SUGCT: variants seen among roughly 807,000 people sequenced by gnomAD.
SUGCT encodes the protein succinyl-CoA:glutarate-CoA transferase.
A neutral mutation model predicts 55.0 loss-of-function variants in SUGCT; 41 were observed. The ratio of observed to expected loss-of-function variants is 0.74; its 90% CI spans 0.58 to 0.97. SUGCT has a LOEUF of 0.97. Ranked by LOEUF, SUGCT falls within the 50% of genes least tolerant of loss-of-function variation. The pLI is 0.00. For synonymous variants in SUGCT, 187 were observed against 200.4 expected, an observed-to-expected ratio of 0.93 and a Z score of 0.56; for missense variants, 568 against 547.8, an observed-to-expected ratio of 1.04 and a Z score of -0.37.
chr7:40,663,716 C>T (rs1436653552), intron 12 of SUGCT, among the ~76,000 whole-genome samples: 2 of 152,128 alleles, frequency 1.3e-5, no homozygotes, highest in African/African-American at 4.8e-5. Flanking sequence ...AAGCGTGCTT[C>T]AATTCCACCC....
intron 4 of SUGCT, among the ~76,000 whole-genome samples, chr7:40,188,872 A>T (rs1055514822): frequency 2.0e-5 from 3 of 152,226 alleles, no homozygotes; most frequent in Non-Finnish European, 4.4e-5. Flanking sequence ...ATTATTAGGG[A>T]ATAATTGCCT....
intron 9 of SUGCT, among the ~76,000 whole-genome samples, chr7:40,343,897 C>T (rs1487256101): frequency 6.6e-6 from 1 of 152,200 alleles, no homozygotes; most frequent in Non-Finnish European, 1.5e-5. Flanking sequence ...ACCTCGTGAT[C>T]TGCCCGCCTC....
intron 12 of SUGCT, among the ~76,000 whole-genome samples, chr7:40,713,159 G>C (rs1785815671): frequency 6.6e-6 from 1 of 152,192 alleles, no homozygotes; most frequent in Non-Finnish European, 1.5e-5. Flanking sequence ...ACACAGCAGA[G>C]TAGATGCAAG....
chr7:40,477,936 G>T, intron 11 of SUGCT, among the ~76,000 whole-genome samples: 1 of 152,110 alleles, frequency 6.6e-6, no homozygotes, highest in Non-Finnish European at 1.5e-5. Context: ...AGAACAAATA[G>T]ATTTTAGGGC....
chr7:40,830,188 C>T (rs1296330378), intron 13 of SUGCT, among the ~76,000 whole-genome samples: 1 of 152,154 alleles, frequency 6.6e-6, no homozygotes, highest in Admixed American at 6.5e-5. Context: ...ACAGTCACCT[C>T]CCAGTGCTTG....
chr7:40,934,952 A>G, the SUGCT span, among the ~76,000 whole-genome samples: 41,159 of 152,062 alleles, frequency 0.27, 5,647 homozygotes, highest in Middle Eastern at 0.34. Context: ...AGTCCCAGTG[A>G]GATGAACCAG....
chr7:40,301,285 T>G (rs1391282435), intron 8 of SUGCT, among the ~76,000 whole-genome samples: 1 of 152,216 alleles, frequency 6.6e-6, no homozygotes, highest in Non-Finnish European at 1.5e-5. Context: ...GCATACCAGA[T>G]TTTTAAAACT....
At chr7:40,149,566 T>G (rs899389664) in intron 1 of SUGCT, among the ~76,000 whole-genome samples, 1 of 152,120 alleles carries the variant, frequency 6.6e-6, no homozygotes, top group African/African-American at 2.4e-5. Flanking sequence ...GTGGATCAAT[T>G]GAGGCCAGGA....
rs373068051 is a variant in SUGCT, at chr7:40,186,354, G to A, written c.227-2141G>A. On this transcript the variant is annotated intron_variant, in intron 3 of 13. Coordinates refer to ENST00000335693, the MANE Select transcript of SUGCT (RefSeq NM_001193313.2). ...GCTCAGTGCAGCATTGACCTCCTGA[G>A]CTCAAGTGATCCTACCACCTCAGCG... Among the ~76,000 whole-genome samples, 53 of 151,680 alleles carry A rather than the reference G, an allele frequency of 3.5e-4. No homozygotes were observed. The South Asian group carries it at 9.2e-3, about 26-fold the overall frequency.
intron 12 of SUGCT, among the ~76,000 whole-genome samples, chr7:40,599,387 A>G (rs1325748213): frequency 2.6e-5 from 4 of 152,196 alleles, no homozygotes; most frequent in Non-Finnish European, 5.9e-5. Flanking sequence ...CATGCTTTTT[A>G]CACCAAATTG....
chr7:40,559,468 G>T (rs537617740), intron 12 of SUGCT, among the ~76,000 whole-genome samples: 1 of 152,364 alleles, frequency 6.6e-6, no homozygotes, highest in Admixed American at 6.5e-5. Context: ...AAGTCACCCA[G>T]TGGTTACAAT....
chr7:40,220,425 T>G (rs1363523321), intron 6 of SUGCT, among the ~76,000 whole-genome samples: 1 of 152,238 alleles, frequency 6.6e-6, no homozygotes, highest in Non-Finnish European at 1.5e-5. Flanking sequence ...AAGTTGTTAT[T>G]GGTTCATGAC....
intron 9 of SUGCT, among the ~76,000 whole-genome samples, chr7:40,375,703 A>G (rs982957304): frequency 1.1e-5 from 1 of 92,000 alleles, no homozygotes; most frequent in African/African-American, 3.7e-5. Flanking sequence ...TCACCACAGT[A>G]TTTCTCAATT....
At chr7:40,396,875 AG>A (rs1785763022) in intron 9 of SUGCT, among the ~76,000 whole-genome samples, 1 of 152,200 alleles carries the variant, frequency 6.6e-6, no homozygotes, top group Admixed American at 6.5e-5. Flanking sequence ...AAGACAAAAA[AG>A]ATCATGGGCT....
intron 9 of SUGCT, among the ~76,000 whole-genome samples, chr7:40,409,050 G>A (rs879893627): frequency 2.0e-5 from 3 of 152,102 alleles, no homozygotes; most frequent in East Asian, 1.9e-4. Context: ...TACCTCCCAG[G>A]CTCAAGTGAT....
intron 12 of SUGCT, among the ~76,000 whole-genome samples, chr7:40,552,290 G>A (rs1385006635): frequency 6.6e-6 from 1 of 152,146 alleles, no homozygotes; most frequent in Non-Finnish European, 1.5e-5. Flanking sequence ...TGGCATGAGA[G>A]GCCCCTCTGC....
At position 40,565,222 on chromosome 7, in the gene SUGCT, T is replaced by C. The variant is rs140266849; in HGVS notation, c.1089+68836T>C. Among the ~76,000 whole-genome samples, 461 of 152,260 alleles carry C rather than the reference T, an allele frequency of 3.0e-3. 7 individuals are homozygous for C. In the East Asian group the frequency reaches 0.03, roughly 10 times the overall value. Reference sequence around the variant, plus strand: ...CCTTCTTGAGAATCAAATGGAAAACTTACCCCCTAGGTCTCTTTTTGTCCA... The same window carrying C: ...CCTTCTTGAGAATCAAATGGAAAACCTACCCCCTAGGTCTCTTTTTGTCCA... On this transcript the variant is annotated intron_variant, in intron 12 of 13. Coordinates refer to ENST00000335693, the MANE Select transcript of SUGCT (RefSeq NM_001193313.2).
intron 12 of SUGCT, among the ~76,000 whole-genome samples, chr7:40,555,965 C>T (rs987960063): frequency 6.6e-6 from 1 of 152,142 alleles, no homozygotes; most frequent in African/African-American, 2.4e-5. Context: ...GTTTGCCCCT[C>T]TTATAATATT....
intron 1 of SUGCT, among the ~76,000 whole-genome samples, chr7:40,161,659 G>A (rs1465353429): frequency 2.0e-5 from 3 of 152,110 alleles, no homozygotes; most frequent in Non-Finnish European, 4.4e-5. Flanking sequence ...TTGGGTTTGT[G>A]AGCATTCTTA....
Sources: allele counts gnomAD v4.1 joint callset (sites outside exome capture counted in the v4.1 genomes callset), GRCh38; gene constraint gnomAD v4.1.1; transcripts MANE v1.5; gene names NCBI Gene and HGNC (gene_info 2026-07-23, HGNC 2026-07-21).